Variants in MACROD2 observed in about 807,000 individuals in gnomAD.
MACROD2 encodes the protein ADP-ribose glycohydrolase MACROD2.
In MACROD2, 36 loss-of-function variants were observed where a neutral mutation model predicts 70.4. That is an observed-to-expected ratio of 0.51 (90% CI 0.39 to 0.68). MACROD2 has a LOEUF of 0.68. Ranked by LOEUF, MACROD2 falls within the 30% of genes least tolerant of loss-of-function variation. MACROD2 has a pLI of 0.00. For missense variants in MACROD2, 496 were observed against 538.4 expected, an observed-to-expected ratio of 0.92 and a Z score of 0.78; for synonymous variants, 172 against 178.8, an observed-to-expected ratio of 0.96 and a Z score of 0.30.
At chr20:15,466,773 C>A (rs898683377) in intron 7 of MACROD2, among the ~76,000 whole-genome samples, 8 of 152,140 alleles carry the variant, frequency 5.3e-5, no homozygotes, top group Admixed American at 1.3e-4. Context: ...ACTCTGTAAG[C>A]AGCCCTCCAA....
At chr20:14,357,710 TGA>T (rs2083186112) in intron 3 of MACROD2, among the ~76,000 whole-genome samples, 1 of 152,252 alleles carries the variant, frequency 6.6e-6, no homozygotes, top group South Asian at 2.1e-4. Flanking sequence ...AAACAACTGA[TGA>T]GCAGCTGCTG....
At position 14,558,871 on chromosome 20, in the gene MACROD2, A is replaced by ATG. The variant is rs754278218; in HGVS notation, c.301+65367_301+65368dup. On this transcript the variant is annotated intron_variant, in intron 4 of 17. Coordinates refer to ENST00000684519, the MANE Select transcript of MACROD2 (RefSeq NM_001351661.2). ...GTATTAGGTATTGAAGTGTTTGTGT[A>ATG]TGTGTATGTGTGTATTTATACCATA... Among the ~76,000 whole-genome samples the ATG allele has an allele frequency of 7.9e-5, 12 of 151,552 alleles. 1 individual carries two copies. The highest frequency in any genetic ancestry group is 2.0e-4 in the Admixed American group (3 of 15,166).
chr20:15,700,663 T>C (rs989581786), intron 8 of MACROD2, among the ~76,000 whole-genome samples: 1 of 152,222 alleles, frequency 6.6e-6, no homozygotes, highest in African/African-American at 2.4e-5. Context: ...CTCAATTTTG[T>C]TGTCTTTTAA....
chr20:15,539,722 T>A (rs1432632622), intron 8 of MACROD2, among the ~76,000 whole-genome samples: 1 of 152,224 alleles, frequency 6.6e-6, no homozygotes, highest in Non-Finnish European at 1.5e-5. Flanking sequence ...GCACGGTGGC[T>A]CATGCCTGTT....
chr20:14,501,599 T>C (rs965509609), intron 4 of MACROD2, among the ~76,000 whole-genome samples: 104 of 152,268 alleles, frequency 6.8e-4, no homozygotes, highest in Non-Finnish European at 4.7e-4. Flanking sequence ...AAATGAGTTT[T>C]ATAATTGGTA....
chr20:14,441,691 T>G (rs1325595947), intron 3 of MACROD2, among the ~76,000 whole-genome samples: 1 of 152,154 alleles, frequency 6.6e-6, no homozygotes, highest in Admixed American at 6.5e-5. Context: ...TCCAGCATAG[T>G]TTCTGATACC....
intron 6 of MACROD2, among the ~76,000 whole-genome samples, chr20:15,390,395 C>A (rs1316605645): frequency 6.6e-6 from 1 of 152,116 alleles, no homozygotes; most frequent in African/African-American, 2.4e-5. Flanking sequence ...CAGTTATTAC[C>A]ATCTAAATAA....
At chr20:14,134,941 G>C (rs1008178060) in intron 3 of MACROD2, among the ~76,000 whole-genome samples, 1 of 151,442 alleles carries the variant, frequency 6.6e-6, no homozygotes, top group Admixed American at 6.6e-5. Flanking sequence ...TTTAAGAAAC[G>C]CAAAATTCTT....
chr20:15,511,996 G>T (rs1457164331), intron 8 of MACROD2, among the ~76,000 whole-genome samples: 1 of 152,172 alleles, frequency 6.6e-6, no homozygotes, highest in Non-Finnish European at 1.5e-5. Flanking sequence ...ATCTTTTATG[G>T]CTAAGACATA....
At position 15,750,153 on chromosome 20, in the gene MACROD2, A is replaced by G. The variant is rs75668649; in HGVS notation, c.646-112592A>G. On this transcript the variant is annotated intron_variant, in intron 8 of 17. Transcript: ENST00000684519. ...TAAGGAACTTAAACAATTCAAGAGC[A>G]AAACAACAAATAGTCCAATTAAAAG... 5.1e-3 allele frequency among the ~76,000 whole-genome samples: 769 copies of G among 152,186 alleles called. 9 individuals are homozygous for G. The highest frequency in any genetic ancestry group is 0.018 in the African/African-American group (738 of 41,570).
chr20:14,634,566 T>G (rs891606955), intron 4 of MACROD2, among the ~76,000 whole-genome samples: 1 of 130,704 alleles, frequency 7.7e-6, no homozygotes, highest in African/African-American at 2.8e-5. Flanking sequence ...GGAGTTTAAT[T>G]TATTTTCCTA....
chr20:15,526,015 TA>T (rs2047716725), intron 8 of MACROD2, among the ~76,000 whole-genome samples: 1 of 152,208 alleles, frequency 6.6e-6, no homozygotes, highest in Non-Finnish European at 1.5e-5. Context: ...TAACATCTAA[TA>T]AAATAAAAAG....
intron 9 of MACROD2, among the ~76,000 whole-genome samples, chr20:15,869,265 A>AGAGAGAGAGAGAGAGAGCGAGC (rs1322416478): frequency 2.1e-5 from 3 of 141,900 alleles, no homozygotes; most frequent in African/African-American, 7.6e-5. Context: ...AGAGAGAGAG[A>AGAGAGAGAGAGAGAGAGCGAGC]GAGCAATGCT....
At chr20:14,775,648 G>A (rs945307645) in intron 5 of MACROD2, among the ~76,000 whole-genome samples, 4 of 151,896 alleles carry the variant, frequency 2.6e-5, no homozygotes, top group Admixed American at 6.6e-5. Flanking sequence ...TTCAACATGC[G>A]ATTTGGAGGG....
chr20:14,646,124 T>C (rs1420465156), intron 4 of MACROD2, among the ~76,000 whole-genome samples: 1 of 151,754 alleles, frequency 6.6e-6, no homozygotes, highest in East Asian at 1.9e-4. Flanking sequence ...TAAGTAAATA[T>C]ACAATCATAG....
chr20:15,956,620 T>A (rs571784947), intron 12 of MACROD2, among the ~76,000 whole-genome samples: 1 of 152,290 alleles, frequency 6.6e-6, no homozygotes, highest in South Asian at 2.1e-4. Context: ...CAGTATATGC[T>A]AAGGCAATGG....
At chr20:14,652,289 C>A (rs1052625546) in intron 4 of MACROD2, among the ~76,000 whole-genome samples, 1 of 152,120 alleles carries the variant, frequency 6.6e-6, no homozygotes, top group Non-Finnish European at 1.5e-5. Flanking sequence ...TTACACATTT[C>A]AAAATTATAG....
At chr20:14,395,695 T>G (rs183794947) in intron 3 of MACROD2, among the ~76,000 whole-genome samples, 2 of 152,324 alleles carry the variant, frequency 1.3e-5, no homozygotes, top group Admixed American at 1.3e-4. Context: ...ACTTGATACA[T>G]TTCCTCTTTT....
intron 8 of MACROD2, among the ~76,000 whole-genome samples, chr20:15,623,718 ATCGATGTG>A: frequency 6.6e-6 from 1 of 151,540 alleles, no homozygotes; most frequent in African/African-American, 2.4e-5. Context: ...CTATCTATCT[ATCGATGTG>A]TCTATGTATC....
Sources: allele counts gnomAD v4.1 joint callset (sites outside exome capture counted in the v4.1 genomes callset), GRCh38; gene constraint gnomAD v4.1.1; transcripts MANE v1.5; gene names NCBI Gene and HGNC (gene_info 2026-07-23, HGNC 2026-07-21).